Variants in PCLO observed in about 807,000 individuals in gnomAD.
PCLO encodes piccolo presynaptic cytomatrix protein, also known as protein piccolo.
Under a neutral mutation model 427.5 loss-of-function variants are expected in PCLO, and 82 were observed. The ratio of observed to expected loss-of-function variants is 0.19; its 90% CI spans 0.16 to 0.23. The LOEUF (loss-of-function observed/expected upper bound fraction) is 0.23. Among genes scored for constraint, PCLO ranks in the 10% least tolerant of loss-of-function variants. PCLO has a pLI of 1.00. For missense variants in PCLO, 6,239 were observed against 6,115.9 expected (o/e 1.02, Z -0.67); for synonymous variants, 2,357 against 2,155.4 (o/e 1.09, Z -2.59).
At chr7:82,819,908 T>C (rs78264544) in intron 20 of PCLO, among the ~76,000 whole-genome samples, 1,640 of 152,232 alleles carry the variant, frequency 0.011, 34 homozygotes, top group African/African-American at 0.037. Context: ...AGGGGGCAAA[T>C]AGTACTATCC....
At chr7:82,979,157 T>C (rs1202261615) in intron 3 of PCLO, among the ~76,000 whole-genome samples, 1 of 152,168 alleles carries the variant, frequency 6.6e-6, no homozygotes, top group Non-Finnish European at 1.5e-5. Flanking sequence ...TAACTGTTTA[T>C]AGACTTCAGA....
At chr7:82,970,624 A>G (rs1242122652) in intron 3 of PCLO, among the ~76,000 whole-genome samples, 1 of 151,930 alleles carries the variant, frequency 6.6e-6, no homozygotes, top group Non-Finnish European at 1.5e-5. Context: ...CAACAAATTC[A>G]GCAAGCAGAG....
chr7:83,015,201 A>T (rs1361686779), intron 3 of PCLO, among the ~76,000 whole-genome samples: 1 of 152,174 alleles, frequency 6.6e-6, no homozygotes, highest in African/African-American at 2.4e-5. Context: ...ATATTACTTG[A>T]TATTTATAAT....
intron 22 of PCLO, among the ~76,000 whole-genome samples, chr7:82,769,675 A>G (rs1213926466): frequency 6.6e-6 from 1 of 152,150 alleles, no homozygotes; most frequent in East Asian, 1.9e-4. Context: ...TCTGCGTAAG[A>G]AAAAAAGCAG....
chr7:82,761,161 T>C (rs958191511), intron 23 of PCLO, among the ~76,000 whole-genome samples, 198 bp downstream of exon 23: 7 of 151,900 alleles, frequency 4.6e-5, no homozygotes, highest in African/African-American at 1.4e-4. Context: ...TGTTGGCTAA[T>C]GAATATAACA....
intron 3 of PCLO, among the ~76,000 whole-genome samples, chr7:83,098,761 C>T (rs1790659224): frequency 6.6e-6 from 1 of 152,112 alleles, no homozygotes; most frequent in South Asian, 2.1e-4. Flanking sequence ...GGAAACCTCT[C>T]ATGCTCAAGA....
At chr7:82,781,389 T>C (rs1253102749) in intron 22 of PCLO, among the ~76,000 whole-genome samples, 1 of 151,866 alleles carries the variant, frequency 6.6e-6, no homozygotes, top group Non-Finnish European at 1.5e-5. Flanking sequence ...TCCGTAGGTA[T>C]ACGTGTGCCA....
At chr7:83,152,262 C>A (rs1262113529) in intron 2 of PCLO, among the ~76,000 whole-genome samples, 1 of 152,142 alleles carries the variant, frequency 6.6e-6, no homozygotes, top group Admixed American at 6.5e-5. Context: ...CCACGCCCGG[C>A]CCAAAGTTAC....
At chr7:83,017,116 G>T (rs1343223739) in intron 3 of PCLO, among the ~76,000 whole-genome samples, 2 of 152,038 alleles carry the variant, frequency 1.3e-5, no homozygotes, top group Non-Finnish European at 2.9e-5. Flanking sequence ...TAAAGAATCA[G>T]AAGAAATAAT....
chr7:82,867,971 T>C, intron 10 of PCLO: 2 of 359,084 alleles, frequency 5.6e-6, no homozygotes, highest in South Asian at 4.4e-5. Flanking sequence ...TTTGTATTTT[T>C]CTTCACAGAA....
At chr7:82,977,380 TTTTATTTA>T (rs200252038) in intron 3 of PCLO, among the ~76,000 whole-genome samples, 39,555 of 132,494 alleles carry the variant, frequency 0.3, 6,675 homozygotes, top group East Asian at 0.44. Context: ...AATTCATCTT[TTTTATTTA>T]TTTATTTATT....
At chr7:82,997,859 T>C (rs998664813) in intron 3 of PCLO, among the ~76,000 whole-genome samples, 1 of 152,088 alleles carries the variant, frequency 6.6e-6, no homozygotes, top group African/African-American at 2.4e-5. Flanking sequence ...AAGAAATTTA[T>C]ACTGAAAAGT....
rs1795410788 is a variant in PCLO, at chr7:82,953,350, C to G, written c.7603G>C (p.Gly2535Arg). 1.2e-6 allele frequency: 2 copies of G among 1,613,570 alleles called. No individual in the cohort carries two copies. The highest frequency in any genetic ancestry group is 1.7e-6 in the Non-Finnish European group (2 of 1,179,838). The change falls in exon 5 of 25, where the codon GGC (glycine) becomes CGC (arginine). Residue 2535 changes from glycine to arginine, a missense_variant. Physicochemically the swap from Gly to Arg is moderately radical, Grantham distance 125. This residue lies in a region of PCLO where 4,677 missense variants were observed against 4,468.4 expected (regional missense o/e 1.05). Transcript: ENST00000333891. Reference sequence around the variant, plus strand: ...GTCATACTTGAAGTTAAAGATAGGCCTGTTGGTTTGGGGTGTATATCTGTT... The same window carrying G: ...GTCATACTTGAAGTTAAAGATAGGCGTGTTGGTTTGGGGTGTATATCTGTT... ...KPTDIHPKPT[G>R]LSLTSSMTLN...
chr7:82,895,058 C>A (rs1793868861), intron 9 of PCLO, among the ~76,000 whole-genome samples: 1 of 151,940 alleles, frequency 6.6e-6, no homozygotes. Context: ...TAATGTCTCT[C>A]CATTTTATAT....
intron 3 of PCLO, among the ~76,000 whole-genome samples, chr7:82,983,239 A>C (rs1407622147): frequency 6.6e-6 from 1 of 151,276 alleles, no homozygotes; most frequent in African/African-American, 2.4e-5. Flanking sequence ...TTAAGTTTTA[A>C]GGCAATCAAT....
At position 82,915,656 on chromosome 7, in the gene PCLO, C is replaced by T. The variant is rs370311568; in HGVS notation, c.12330G>A (p.Ala4110=). 18 of 1,613,286 alleles carry T rather than the reference C, an allele frequency of 1.1e-5. No homozygotes were observed. The highest frequency in any genetic ancestry group is 1.7e-5 in the Admixed American group (1 of 59,900). ...SSSRLHSYVK[A]EEDPMEDPYE... ...AAGGATCCTCCATTGGGTCTTCCTC[C>T]GCCTTCACATAACTATGCAATCTAG... Residue 4110 remains alanine, a synonymous_variant, in exon 7 of 25, where the codon GCG becomes GCA. Coordinates refer to ENST00000333891, the MANE Select transcript of PCLO (RefSeq NM_033026.6).
chr7:83,139,829 T>A (rs1234476147), intron 2 of PCLO, among the ~76,000 whole-genome samples: 1 of 152,162 alleles, frequency 6.6e-6, no homozygotes, highest in Non-Finnish European at 1.5e-5. Flanking sequence ...AAAGCTTTTA[T>A]CCTCTTAGGA....
In PCLO at chr7:83,134,918, G is replaced by C. The variant is rs917979280; in HGVS notation, c.2632C>G (p.Pro878Ala). The C allele has an allele frequency of 3.7e-6, 6 of 1,603,942 alleles. No homozygotes were observed. In the Admixed American group the frequency reaches 8.5e-5, roughly 23 times the overall value. Residue 878 changes from proline to alanine, a missense_variant, in exon 3 of 25, where the codon CCC becomes GCC. Around this residue, in one of 5 missense-constraint regions of PCLO, gnomAD observed 4,677 missense variants for 4,468.4 expected, o/e 1.05. Transcript: ENST00000333891. ...AKPMPKGSPTPPGPRPTAGQT... is the reference protein window; with the variant it reads ...AKPMPKGSPTAPGPRPTAGQT... The stretch of plus-strand genomic sequence containing the variant: ...CCAGCGGTAGGTCGTGGGCCAGGGG[G>C]TGTTGGTGACCCTTTTGGCATTGGC...
intron 7 of PCLO, among the ~76,000 whole-genome samples, chr7:82,910,070 T>C (rs1017350717): frequency 6.6e-6 from 1 of 152,138 alleles, no homozygotes; most frequent in Non-Finnish European, 1.5e-5. Flanking sequence ...AAAGAATCTC[T>C]AATTAACAGT....
Sources: allele counts gnomAD v4.1 joint callset (sites outside exome capture counted in the v4.1 genomes callset), GRCh38; gene constraint gnomAD v4.1.1; regional missense constraint gnomAD v4.1.1; transcripts MANE v1.5; gene names NCBI Gene and HGNC (gene_info 2026-07-23, HGNC 2026-07-21).